The following CDH1 variants were observed in gnomAD, a reference collection of about 807,000 sequenced individuals.
CDH1 encodes the protein cadherin-1.
Under a neutral mutation model 84.5 loss-of-function variants are expected in CDH1, and 35 were observed. That is an observed-to-expected ratio of 0.41 (90% CI 0.32 to 0.55). CDH1 has a LOEUF of 0.55. CDH1 is among the 20% of genes least tolerant of loss of function. CDH1 has a pLI of 0.19. For synonymous variants in CDH1, 417 were observed against 439.0 expected (o/e 0.95, Z 0.63); for missense variants, 994 against 1,126.6 (o/e 0.88, Z 1.68).
chr16:68,773,991 A>G (rs938859386), intron 2 of CDH1, among the ~76,000 whole-genome samples: 2 of 152,212 alleles, frequency 1.3e-5, no homozygotes, highest in African/African-American at 2.4e-5. Context: ...GTCATAGCTC[A>G]CTGCAGCTCA....
chr16:68,828,508 C>T (rs1001175134), intron 14 of CDH1, among the ~76,000 whole-genome samples: 2 of 152,196 alleles, frequency 1.3e-5, no homozygotes, highest in African/African-American at 4.8e-5. Flanking sequence ...TGATCGCATA[C>T]TGTTCTGCAC....
intron 2 of CDH1, among the ~76,000 whole-genome samples, chr16:68,787,987 C>T (rs9931853): frequency 2.6e-5 from 4 of 151,778 alleles, no homozygotes; most frequent in African/African-American, 4.8e-5. Context: ...CACCACGCCC[C>T]GCTAATTTTT....
chr16:68,785,719 C>A lies in CDH1; in HGVS notation c.164-15951C>A, dbSNP rs1377915118. ...ACAATAATGTGTCTTGACGATCATT[C>A]CCCTGCAGAGCATAAAGAGCTTTTT... On this transcript the variant is annotated intron_variant, in intron 2 of 15. Transcript: ENST00000261769. Among the ~76,000 whole-genome samples, 5 of 151,664 alleles carry A rather than the reference C, an allele frequency of 3.3e-5. No individual in the cohort carries two copies. The East Asian group carries it at 9.7e-4, about 29-fold the overall frequency.
chr16:68,822,204 A>G lies in CDH1; in HGVS notation c.1915A>G (p.Thr639Ala), dbSNP rs1555516895. The change falls in exon 12 of 16, where the codon ACC (threonine) becomes GCC (alanine). Residue 639 changes from threonine to alanine, a missense_variant. Transcript: ENST00000261769. ...AACACACGGGGCGAGTGCCAACTGGACCATTCAGTACAACGACCCAAGTGG... is the reference window on the plus strand; with the variant it reads ...AACACACGGGGCGAGTGCCAACTGGGCCATTCAGTACAACGACCCAAGTGG... The part of the protein sequence containing the change: ...ELTHGASANW[T>A]IQYNDPTQES... 3.1e-6 allele frequency: 5 copies of G among 1,614,048 alleles called. No individual in the cohort carries two copies. The highest frequency in any genetic ancestry group is 4.2e-6 in the Non-Finnish European group (5 of 1,179,962).
At chr16:68,823,089 A>C in intron 12 of CDH1, 1 of 348,566 alleles carries the variant, frequency 2.9e-6, no homozygotes, top group Non-Finnish European at 5.3e-6. Context: ...GTTCACCCTC[A>C]GGCACACGGG....
At chr16:68,762,596 A>G (rs1959251300) in intron 2 of CDH1, among the ~76,000 whole-genome samples, 2 of 152,300 alleles carry the variant, frequency 1.3e-5, no homozygotes, top group South Asian at 4.1e-4. Context: ...TGCTCCTCTC[A>G]GAAACAAAAA....
At chr16:68,812,005 C>A (rs1005566861) in intron 7 of CDH1, 130 bp from the exon 8 acceptor site, 2 of 1,493,172 alleles carry the variant, frequency 1.3e-6, no homozygotes, top group Non-Finnish European at 1.9e-6. Context: ...CCAGAGGTTC[C>A]GTGCCTAGAA....
chr16:68,813,598 G>C (rs781533135), intron 9 of CDH1, 103 bp downstream of exon 9: 18 of 1,146,010 alleles, frequency 1.6e-5, no homozygotes, highest in Non-Finnish European at 2.4e-5. Flanking sequence ...TTGGCAGGGG[G>C]ACAGGGTGAC....
intron 2 of CDH1, among the ~76,000 whole-genome samples, chr16:68,745,893 C>T (rs747972807): frequency 6.6e-6 from 1 of 152,164 alleles, no homozygotes; most frequent in Non-Finnish European, 1.5e-5. Context: ...TCTCAGTTCA[C>T]TGCAACCTCC....
intron 2 of CDH1, among the ~76,000 whole-genome samples, chr16:68,768,476 C>CT (rs1161151477): frequency 6.6e-6 from 1 of 152,196 alleles, no homozygotes; most frequent in Non-Finnish European, 1.5e-5. Context: ...GGCAACAGCT[C>CT]TTAATACCTT....
At chr16:68,790,183 C>G (rs893478934) in intron 2 of CDH1, among the ~76,000 whole-genome samples, 1 of 152,130 alleles carries the variant, frequency 6.6e-6, no homozygotes, top group African/African-American at 2.4e-5. Context: ...TAAGCCTTAC[C>G]AATGTCTGTG....
chr16:68,782,731 C>G (rs1175243442), intron 2 of CDH1, among the ~76,000 whole-genome samples: 1 of 152,134 alleles, frequency 6.6e-6, no homozygotes. Context: ...TGTGACCGAT[C>G]CTTCGCAAAG....
rs58676133 is a variant in CDH1 at position 68,787,825 on chromosome 16, A to ATTTTTT, written c.164-13831_164-13826dup. 5.0e-4 allele frequency among the ~76,000 whole-genome samples: 51 copies of ATTTTTT among 102,328 alleles called. 2 individuals are homozygous for ATTTTTT. The highest frequency in any genetic ancestry group is 1.6e-3 in the African/African-American group (42 of 25,524). 67.1% of individuals were successfully genotyped at this position (102,328 alleles called of 152,430 possible). On this transcript the variant is annotated intron_variant, in intron 2 of 15. Transcript: ENST00000261769. ...AGACACCCACCACCACGCCCGGCTA[A>ATTTTTT]TTTTTTTTTTTTTTTTTTTGAGACA... is the stretch of plus-strand genomic sequence containing the variant.
chr16:68,746,008 G>C (rs986976480), intron 2 of CDH1, among the ~76,000 whole-genome samples: 1 of 152,048 alleles, frequency 6.6e-6, no homozygotes, highest in Non-Finnish European at 1.5e-5. Flanking sequence ...TTGTAGAGAC[G>C]GTTTCACCAT....
intron 12 of CDH1, 99 bp downstream of exon 12, chr16:68,822,324 G>T: frequency 1.2e-6 from 1 of 817,074 alleles, no homozygotes; most frequent in Non-Finnish European, 2.1e-6. Flanking sequence ...ACTTCTAGAT[G>T]TCACCCCTTC....
rs1338408060 is a variant in CDH1 at position 68,746,167 on chromosome 16, C to T, written c.163+7756C>T. ...CTCAGGCCAGGTGCGGTGGCTTACG[C>T]CTGTAATCTGCACTTTGGGAGGCCA... On this transcript the variant is annotated intron_variant, in intron 2 of 15. Transcript: ENST00000261769. Among the ~76,000 whole-genome samples, 2 of 152,160 alleles carry T rather than the reference C, an allele frequency of 1.3e-5. 1 individual carries two copies. The highest frequency in any genetic ancestry group is 2.9e-5 in the Non-Finnish European group (2 of 68,036).
At chr16:68,757,787 TTCC>T (rs1963051953) in intron 2 of CDH1, among the ~76,000 whole-genome samples, 2 of 150,802 alleles carry the variant, frequency 1.3e-5, no homozygotes, top group South Asian at 4.2e-4. Flanking sequence ...CCTTCCTTCC[TTCC>T]TTTCTTTCTT....
At chr16:68,780,536 C>T (rs757254989) in intron 2 of CDH1, among the ~76,000 whole-genome samples, 1 of 152,116 alleles carries the variant, frequency 6.6e-6, no homozygotes, top group African/African-American at 2.4e-5. Flanking sequence ...GTGATCTACC[C>T]ATCTCGACCT....
intron 2 of CDH1, among the ~76,000 whole-genome samples, chr16:68,758,127 T>C (rs1488191676): frequency 6.6e-6 from 1 of 150,412 alleles, no homozygotes; most frequent in African/African-American, 2.4e-5. Context: ...AGTTTCTTTC[T>C]TTTTTTTCAA....
Sources: gnomAD v4.1 joint callset for allele counts (sites outside exome capture counted in the v4.1 genomes callset) on GRCh38, gnomAD v4.1.1 for gene constraint, MANE v1.5 for transcripts, NCBI Gene and HGNC (gene_info 2026-07-23, HGNC 2026-07-21) for gene names.